Variants in PTP4A2 observed in about 807,000 individuals in gnomAD.
PTP4A2 encodes protein tyrosine phosphatase type IVA 2.
Under a neutral mutation model 22.9 loss-of-function variants are expected in PTP4A2, and 2 were observed. The ratio of observed to expected loss-of-function variants is 0.09; its 90% confidence interval spans 0.04 to 0.27. The LOEUF is 0.27. Ranked by LOEUF, PTP4A2 falls within the 10% of genes least tolerant of loss-of-function variation. The pLI is 1.00. For synonymous variants in PTP4A2, 68 were observed against 69.1 expected, an observed-to-expected ratio of 0.98 and a Z score of 0.08; for missense variants, 103 against 205.1, an observed-to-expected ratio of 0.50 and a Z score of 3.04.
chr1:31,932,462 G>T (rs1349493223), intron 1 of PTP4A2, among the ~76,000 whole-genome samples: 1 of 152,150 alleles, frequency 6.6e-6, no homozygotes, highest in South Asian at 2.1e-4. Flanking sequence ...TTTAGTTTAG[G>T]CCACTTAAAA....
chr1:31,910,173 A>AT, intron 4 of PTP4A2, 61 bp from the exon 5 acceptor site: 1 of 1,298,194 alleles, frequency 7.7e-7, no homozygotes. Context: ...ATTTTTAAAA[A>AT]CCTGTAACTG....
intron 1 of PTP4A2, among the ~76,000 whole-genome samples, chr1:31,922,582 GTTTGTTTC>G (rs1553211653): frequency 1.6e-4 from 23 of 141,722 alleles, no homozygotes; most frequent in Non-Finnish European, 3.2e-4. Context: ...AAAAACCCAG[GTTTGTTTC>G]TTTCTTTCTT....
chr1:31,908,165 TA>T lies in PTP4A2; in HGVS notation c.*686del, dbSNP rs1168613863. On this transcript the variant is annotated 3_prime_UTR_variant, in exon 6 of 6. Coordinates refer to ENST00000647444, the MANE Select transcript of PTP4A2 (RefSeq NM_080391.4). ...TTATATATATATATATATATATATA[TA>T]TATATATATATATATATATATATAT... 2 of 13,642 alleles carry T rather than the reference TA, an allele frequency of 1.5e-4. 1 individual carries two copies. The highest frequency in any genetic ancestry group is 9.2e-4 in the African/African-American group (2 of 2,180). The allele number at this position is 13,642 out of a possible 1,614,324, so 0.8% of individuals were successfully genotyped here.
rs967266918 is a variant in PTP4A2 at position 31,938,089 on chromosome 1, T to TGGC, written c.-699_-697dup. 2.4e-4 allele frequency: 35 copies of TGGC among 143,932 alleles called. No individual in the cohort carries two copies. The East Asian group carries it at 7.3e-3, about 30-fold the overall frequency. The allele number at this position is 143,932 out of a possible 1,614,324, so 8.9% of individuals were successfully genotyped here. A position where few individuals can be genotyped will look rare whatever the true frequency, so the allele number is the denominator to read the frequency against. ...GCGGCGGCGGCGGCGGCGGTAGCGG[T>TGGC]GGCGGCGGCGGCGACGACTCCCCCC... On this transcript the variant is annotated 5_prime_UTR_variant, in exon 1 of 6. Coordinates refer to ENST00000647444, the MANE Select transcript of PTP4A2 (RefSeq NM_080391.4). This position sits in a 1 kb window ranked among gnomAD's most constrained non-coding sequence, Gnocchi z 4.4.
intron 5 of PTP4A2, among the ~76,000 whole-genome samples, 190 bp downstream of exon 5, chr1:31,909,848 A>T (rs771185220): frequency 1.3e-5 from 2 of 152,212 alleles, no homozygotes; most frequent in Non-Finnish European, 2.9e-5. Context: ...CAAATTAGAA[A>T]ACTTTTGAAT....
intron 2 of PTP4A2, among the ~76,000 whole-genome samples, chr1:31,916,222 G>A (rs918153302): frequency 6.6e-6 from 1 of 150,876 alleles, no homozygotes; most frequent in African/African-American, 2.5e-5. Context: ...GTGCGGGCCT[G>A]TAATCCCAGC....
rs75608979 is a variant in PTP4A2 at position 31,936,822 on chromosome 1, A to G, written c.-594+1165T>C. ...CACTCAGCAAGGCATAACTTCACTC[A>G]CTTCCCTCTGAAACTACTCTCTCTT... is the stretch of plus-strand genomic sequence containing the variant. On this transcript the variant is annotated intron_variant, in intron 1 of 5. Transcript: ENST00000647444. 4.7e-3 allele frequency among the ~76,000 whole-genome samples: 712 copies of G among 152,188 alleles called. 4 individuals are homozygous for G. The highest frequency in any genetic ancestry group is 0.016 in the African/African-American group (675 of 41,490).
rs1557858776 is a variant in PTP4A2, at chr1:31,908,133, TATTATATTA to T, written c.*710_*718del. The T allele has an allele frequency of 5.7e-3, 2 of 348 alleles. No homozygotes were observed. The highest frequency in any genetic ancestry group is 0.011 in the Non-Finnish European group (2 of 182). 0.0% of individuals were successfully genotyped at this position (348 alleles called of 1,614,324 possible). A position where few individuals can be genotyped will look rare whatever the true frequency, so the allele number is the denominator to read the frequency against. ...TGGAAAATATATATATATATATATA[TATTATATTA>T]TATATATATATATATATATATATAT... On this transcript the variant is annotated 3_prime_UTR_variant, in exon 6 of 6. Transcript: ENST00000647444.
chr1:31,922,730 C>T (rs1280148917), intron 1 of PTP4A2, among the ~76,000 whole-genome samples: 1 of 151,686 alleles, frequency 6.6e-6, no homozygotes, highest in African/African-American at 2.4e-5. Flanking sequence ...CTGTCTCAAG[C>T]GATCCTCCCA....
At chr1:31,909,043 C>T in intron 5 of PTP4A2, 83 bp from the exon 6 acceptor site, 1 of 986,616 alleles carries the variant, frequency 1.0e-6, no homozygotes, top group Non-Finnish European at 1.6e-6. Context: ...CATCCTAAAG[C>T]CTTTCTAATT....
In PTP4A2 at chr1:31,935,076, ACTT is replaced by A. The variant is rs531030868; in HGVS notation, c.-594+2908_-594+2910del. 2.3e-3 allele frequency among the ~76,000 whole-genome samples: 350 copies of A among 152,308 alleles called. 2 individuals carry two copies. Among genetic ancestry groups the A allele is most frequent in the Non-Finnish European group, 4.2e-3 (286 of 68,032 alleles). ...AAAGTGCTTTCACGTGTATTTTCTCACTTCTTCTGATTTAAGTGTCCCACACAG... is the reference window on the plus strand; with the variant it reads ...AAAGTGCTTTCACGTGTATTTTCTCACTTCTGATTTAAGTGTCCCACACAG... On this transcript the variant is annotated intron_variant, in intron 1 of 5. Transcript: ENST00000647444.
intron 2 of PTP4A2, among the ~76,000 whole-genome samples, chr1:31,917,802 C>T (rs1388916002): frequency 2.0e-5 from 3 of 151,634 alleles, no homozygotes; most frequent in African/African-American, 4.9e-5. Context: ...GGTGAAACTT[C>T]GTCTCTACTA....
intron 2 of PTP4A2, among the ~76,000 whole-genome samples, chr1:31,917,670 G>T (rs1414140226): frequency 6.6e-6 from 1 of 152,056 alleles, no homozygotes; most frequent in East Asian, 1.9e-4. Context: ...AACAACCCAA[G>T]AATGATTAAA....
chr1:31,931,859 C>A (rs891098092), intron 1 of PTP4A2, among the ~76,000 whole-genome samples: 1 of 152,194 alleles, frequency 6.6e-6, no homozygotes, highest in Admixed American at 6.5e-5. Flanking sequence ...TCCTTCTGCA[C>A]TAACCAGTCA....
intron 1 of PTP4A2, among the ~76,000 whole-genome samples, chr1:31,934,700 T>TG (rs1279687052): frequency 1.3e-5 from 2 of 152,204 alleles, no homozygotes; most frequent in African/African-American, 4.8e-5. Context: ...GTTTGAAACT[T>TG]TTTTCAAGTC....
In PTP4A2 at chr1:31,923,329, CTTTTTTTT is replaced by C. The variant is rs894382854; in HGVS notation, c.-593-3679_-593-3672del. Among the ~76,000 whole-genome samples, 18 of 113,974 alleles carry C rather than the reference CTTTTTTTT, an allele frequency of 1.6e-4. 1 individual carries two copies. Among genetic ancestry groups the C allele is most frequent in the African/African-American group, 4.4e-4 (13 of 29,794 alleles). The allele number at this position is 113,974 out of a possible 152,430, so 74.8% of individuals were successfully genotyped here. A position where few individuals can be genotyped will look rare whatever the true frequency, so the allele number is the denominator to read the frequency against. On this transcript the variant is annotated intron_variant, in intron 1 of 5. Coordinates refer to ENST00000647444, the MANE Select transcript of PTP4A2 (RefSeq NM_080391.4). ...ACAAGTGATCCTTCTGCCTCAACCT[CTTTTTTTT>C]TTTTTTTTTTTTTTTGAGACGGAGT...
Position 31,936,172 on chromosome 1 carries a change from T to C in PTP4A2, c.-594+1815A>G, listed in dbSNP as rs376487529. Among the ~76,000 whole-genome samples, 334 of 151,936 alleles carry C rather than the reference T, an allele frequency of 2.2e-3. 1 individual carries two copies. In the South Asian group the frequency reaches 0.024, roughly 11 times the overall value. On this transcript the variant is annotated intron_variant, in intron 1 of 5. Transcript: ENST00000647444. ...ATGTTCACTATCAAAAGGACCACCC[T>C]CACGCCTGTTAATCCCAGCACTTTG...
chr1:31,913,684 A>G (rs1651666425), intron 3 of PTP4A2: 3 of 382,336 alleles, frequency 7.8e-6, no homozygotes, highest in Non-Finnish European at 1.5e-5. Flanking sequence ...AAACAAAACA[A>G]AAACCTAAAT....
chr1:31,930,622 T>C lies in PTP4A2; in HGVS notation c.-594+7365A>G, dbSNP rs75449560. Among the ~76,000 whole-genome samples the C allele has an allele frequency of 5.7e-3, 862 of 152,312 alleles. 1 individual carries two copies. The highest frequency in any genetic ancestry group is 0.031 in the Middle Eastern group (9 of 294). On this transcript the variant is annotated intron_variant, in intron 1 of 5. Transcript: ENST00000647444. ...CCCCTATAACTGGGTAAGTTACACTTCACTTCCTCTCCTAAACTTGCTTTT... is the reference window on the plus strand; with the variant it reads ...CCCCTATAACTGGGTAAGTTACACTCCACTTCCTCTCCTAAACTTGCTTTT...
Sources: allele counts gnomAD v4.1 joint callset (sites outside exome capture counted in the v4.1 genomes callset), GRCh38; gene constraint gnomAD v4.1.1; non-coding constraint Gnocchi (gnomAD v3.1); transcripts MANE v1.5; gene names NCBI Gene and HGNC (gene_info 2026-07-23, HGNC 2026-07-21).